Variants in CFTR observed in about 807,000 individuals in gnomAD.
CFTR encodes the protein cystic fibrosis transmembrane conductance regulator.
A neutral mutation model predicts 171.6 loss-of-function variants in CFTR; 181 were observed. The observed-to-expected ratio is 1.05, with a 90% CI of 0.93 to 1.19. The LOEUF (loss-of-function observed/expected upper bound fraction) is 1.19, where lower values mean the gene tolerates loss of function less well. CFTR is among the 50% of genes most tolerant of loss of function. The pLI, the probability that CFTR is intolerant of heterozygous loss-of-function variation, is 0.00. For missense variants in CFTR, 1,968 were observed against 1,734.7 expected (o/e 1.13, Z -2.39); for synonymous variants, 583 against 608.0 (o/e 0.96, Z 0.60).
chr7:117,525,104 G>A (rs1206209989), intron 3 of CFTR, among the ~76,000 whole-genome samples: 3 of 152,236 alleles, frequency 2.0e-5, no homozygotes, highest in South Asian at 4.1e-4. Flanking sequence ...TAGGAGGTTG[G>A]CAATTTTCTT....
At chr7:117,622,828 C>G (rs1792602772) in intron 21 of CFTR, among the ~76,000 whole-genome samples, 1 of 152,046 alleles carries the variant, frequency 6.6e-6, no homozygotes, top group Admixed American at 6.6e-5. Context: ...CACAAAGTGA[C>G]AAAGAAAATC....
intron 11 of CFTR, among the ~76,000 whole-genome samples, chr7:117,560,110 A>G (rs1048119113): frequency 3.3e-5 from 5 of 152,266 alleles, no homozygotes; most frequent in Admixed American, 3.3e-4. Flanking sequence ...ATCTGCCAGC[A>G]GAGAATTAGA....
intron 3 of CFTR, among the ~76,000 whole-genome samples, chr7:117,522,127 C>G (rs552665226): frequency 6.6e-6 from 1 of 152,186 alleles, no homozygotes; most frequent in Non-Finnish European, 1.5e-5. Context: ...AATGCAATCA[C>G]TTGAGCTGTT....
intron 23 of CFTR, among the ~76,000 whole-genome samples, 157 bp downstream of exon 23, chr7:117,642,750 G>A (rs1384648641): frequency 1.3e-5 from 2 of 152,188 alleles, no homozygotes; most frequent in Non-Finnish European, 2.9e-5. Context: ...AGGCAGAAAA[G>A]ATGTCTCTAA....
intron 12 of CFTR, among the ~76,000 whole-genome samples, chr7:117,588,886 G>A (rs371502648): frequency 3.6e-4 from 55 of 152,114 alleles, no homozygotes; most frequent in African/African-American, 1.2e-3. Flanking sequence ...ACACTGTAAG[G>A]CAATAAATCA....
At chr7:117,508,997 A>G (rs753387689) in intron 2 of CFTR, 37 bp from the exon 3 acceptor site, 2 of 1,243,738 alleles carry the variant, frequency 1.6e-6, no homozygotes, top group South Asian at 2.4e-5. Context: ...ATATTTGCAC[A>G]TGCAACTTAT....
At chr7:117,524,487 T>C (rs1323722338) in intron 3 of CFTR, among the ~76,000 whole-genome samples, 1 of 152,174 alleles carries the variant, frequency 6.6e-6, no homozygotes, top group Non-Finnish European at 1.5e-5. Flanking sequence ...GGTAAAATAT[T>C]GATCTAAAAT....
Position 117,666,997 on chromosome 7 carries a change from C to A in CFTR, c.4332C>A (p.Ser1444=), listed in dbSNP as rs779359608. The A allele has an allele frequency of 1.2e-6, 2 of 1,613,918 alleles. No individual in the cohort carries two copies. The highest frequency in any genetic ancestry group is 1.7e-6 in the Non-Finnish European group (2 of 1,179,952). The part of the protein sequence containing the change: ...RSLFRQAISP[S]DRVKLFPHRN... The stretch of plus-strand genomic sequence containing the variant: ...TCTTCCGGCAAGCCATCAGCCCCTC[C>A]GACAGGGTGAAGCTCTTTCCCCACC... Residue 1444 remains serine, a synonymous_variant, in exon 27 of 27, where the codon TCC becomes TCA. Coordinates refer to ENST00000003084, the MANE Select transcript of CFTR (RefSeq NM_000492.4).
intron 23 of CFTR, among the ~76,000 whole-genome samples, chr7:117,648,319 A>G (rs1793029339): frequency 6.6e-6 from 1 of 152,024 alleles, no homozygotes; most frequent in African/African-American, 2.4e-5. Context: ...TTTGACATCC[A>G]ATGCTAAAGC....
intron 24 of CFTR, among the ~76,000 whole-genome samples, chr7:117,661,983 GAA>G (rs57319132): frequency 0.083 from 7,287 of 87,346 alleles, 350 homozygotes; most frequent in African/African-American, 0.2. Context: ...TAATTTTACT[GAA>G]AAAAAAAAAA....
At chr7:117,632,568 A>G (rs1255178200) in intron 22 of CFTR, among the ~76,000 whole-genome samples, 1 of 151,154 alleles carries the variant, frequency 6.6e-6, no homozygotes, top group Non-Finnish European at 1.5e-5. Context: ...AAAAAAAAAA[A>G]AGAAAAAGAA....
chr7:117,501,774 A>G (rs1391468573), intron 1 of CFTR, among the ~76,000 whole-genome samples: 1 of 145,662 alleles, frequency 6.9e-6, no homozygotes, highest in East Asian at 2.0e-4. Context: ...AAAAAAAAGA[A>G]ACAAAAAAAA....
chr7:117,635,472 AC>A (rs764895389), intron 22 of CFTR, among the ~76,000 whole-genome samples: 1 of 152,112 alleles, frequency 6.6e-6, no homozygotes, highest in Non-Finnish European at 1.5e-5. Context: ...ATAAACATCT[AC>A]TATATTTATT....
chr7:117,594,990 C>A lies in CFTR; in HGVS notation c.2551C>A (p.Arg851=). The part of the protein sequence containing the change: ...PAVTTWNTYL[R]YITVHKSLIF... ...AGTGACTACATGGAACACATACCTT[C>A]GATATATTACTGTCCACAAGAGCTT... is the stretch of plus-strand genomic sequence containing the variant. Residue 851 remains arginine (R), a synonymous_variant, in exon 15 of 27, where the codon CGA becomes AGA. Coordinates refer to ENST00000003084, the MANE Select transcript of CFTR (RefSeq NM_000492.4). 1 of 1,612,456 alleles carries A rather than the reference C, an allele frequency of 6.2e-7. No individual in the cohort carries two copies. Among genetic ancestry groups the A allele is most frequent in the Non-Finnish European group, 8.5e-7 (1 of 1,178,954 alleles).
At chr7:117,486,403 C>G (rs1047338345) in intron 1 of CFTR, among the ~76,000 whole-genome samples, 2 of 152,104 alleles carry the variant, frequency 1.3e-5, no homozygotes, top group Admixed American at 6.6e-5. Flanking sequence ...TTATCTGAAA[C>G]CCAGCTTTCT....
At chr7:117,564,118 C>T (rs1378256331) in intron 11 of CFTR, among the ~76,000 whole-genome samples, 1 of 152,182 alleles carries the variant, frequency 6.6e-6, no homozygotes, top group African/African-American at 2.4e-5. Context: ...CTCCACGTAG[C>T]ACATTGAGAG....
At chr7:117,649,532 T>C (rs1185474144) in intron 23 of CFTR, among the ~76,000 whole-genome samples, 1 of 146,828 alleles carries the variant, frequency 6.8e-6, no homozygotes, top group Non-Finnish European at 1.5e-5. Context: ...TTTTTTTTCC[T>C]GAGCCAAAAC....
chr7:117,542,911 T>C (rs1396770132), intron 9 of CFTR, among the ~76,000 whole-genome samples: 1 of 152,206 alleles, frequency 6.6e-6, no homozygotes, highest in Non-Finnish European at 1.5e-5. Flanking sequence ...GATTGCAAGT[T>C]CCAGTCTAAA....
chr7:117,564,095 T>C (rs1220262600), intron 11 of CFTR, among the ~76,000 whole-genome samples: 1 of 152,190 alleles, frequency 6.6e-6, no homozygotes, highest in Non-Finnish European at 1.5e-5. Flanking sequence ...TCCAAAATCT[T>C]TATTTTGGTA....
Sources: allele counts gnomAD v4.1 joint callset (sites outside exome capture counted in the v4.1 genomes callset), GRCh38; gene constraint gnomAD v4.1.1; transcripts MANE v1.5; gene names NCBI Gene and HGNC (gene_info 2026-07-23, HGNC 2026-07-21).